THEMIS: variants seen among roughly 807,000 people sequenced by gnomAD.
THEMIS encodes the protein thymocyte selection associated, also known as protein THEMIS.
THEMIS carries 37 observed loss-of-function variants against 52.6 expected under a neutral mutation model. The observed-to-expected ratio is 0.70, with a 90% CI of 0.54 to 0.93. The LOEUF (loss-of-function observed/expected upper bound fraction) is 0.93. Among genes scored for constraint, THEMIS ranks in the 40% least tolerant of loss-of-function variants. The pLI is 0.00. For missense variants in THEMIS, 808 were observed against 763.1 expected (o/e 1.06, Z -0.69); for synonymous variants, 292 against 272.7 (o/e 1.07, Z -0.70).
intron 1 of THEMIS, among the ~76,000 whole-genome samples, chr6:127,886,758 A>T (rs150873264): frequency 4.7e-4 from 71 of 152,280 alleles, no homozygotes; most frequent in African/African-American, 1.5e-3. Flanking sequence ...ATATGTCTCC[A>T]CTGGGAGAGG....
chr6:127,772,575 T>C (rs1406406214), intron 4 of THEMIS, among the ~76,000 whole-genome samples: 2 of 152,120 alleles, frequency 1.3e-5, no homozygotes, highest in Non-Finnish European at 2.9e-5. Context: ...GGTCTTGGTG[T>C]TATCCTCTAG....
intron 1 of THEMIS, among the ~76,000 whole-genome samples, chr6:127,896,228 C>CT (rs1039777965): frequency 4.0e-5 from 6 of 150,948 alleles, no homozygotes; most frequent in Admixed American, 1.3e-4. Flanking sequence ...ATACAGAGAT[C>CT]TTTTTTTTAT....
intron 4 of THEMIS, among the ~76,000 whole-genome samples, chr6:127,753,839 T>A (rs924158766): frequency 6.6e-5 from 10 of 151,984 alleles, no homozygotes; most frequent in Non-Finnish European, 1.2e-4. Flanking sequence ...ATAGTGCCTA[T>A]AGCTAACAAC....
At chr6:127,744,523 G>A (rs1775317957) in intron 4 of THEMIS, among the ~76,000 whole-genome samples, 1 of 152,004 alleles carries the variant, frequency 6.6e-6, no homozygotes, top group Non-Finnish European at 1.5e-5. Flanking sequence ...CTTATCATTT[G>A]TGACAACATG....
downstream of THEMIS, among the ~76,000 whole-genome samples, chr6:127,704,990 C>A (rs1488694335): frequency 6.6e-6 from 1 of 152,170 alleles, no homozygotes; most frequent in Non-Finnish European, 1.5e-5. Context: ...AAGTGAAATC[C>A]TCCCAGTGGA....
chr6:127,855,771 A>G (rs907366543), intron 1 of THEMIS, among the ~76,000 whole-genome samples: 1 of 151,982 alleles, frequency 6.6e-6, no homozygotes, highest in Admixed American at 6.6e-5. Flanking sequence ...AGACCAACCC[A>G]GATAAACTGA....
At position 127,751,270 on chromosome 6, in the gene THEMIS, C is replaced by T. The variant is rs549468210; in HGVS notation, c.1759-31447G>A. Among the ~76,000 whole-genome samples, 9 of 151,720 alleles carry T rather than the reference C, an allele frequency of 5.9e-5. No homozygotes were observed. The East Asian group carries it at 1.5e-3, about 26-fold the overall frequency. Reference sequence around the variant, plus strand: ...AGAGTTTTTCTTTGTGATCAAACTTCGTTGTTATCAGCTTAAAATAGACTG... The same window carrying T: ...AGAGTTTTTCTTTGTGATCAAACTTTGTTGTTATCAGCTTAAAATAGACTG... On this transcript the variant is annotated intron_variant, in intron 4 of 5. Coordinates refer to ENST00000368248, the MANE Select transcript of THEMIS (RefSeq NM_001010923.3).
At chr6:127,889,014 C>CA (rs755411025) in intron 1 of THEMIS, among the ~76,000 whole-genome samples, 1 of 151,988 alleles carries the variant, frequency 6.6e-6, no homozygotes, top group Non-Finnish European at 1.5e-5. Context: ...ATAACAACTT[C>CA]AAAATCTCAG....
intron 5 of THEMIS, 51 bp downstream of exon 5, chr6:127,719,637 T>C (rs763386675): frequency 2.7e-6 from 4 of 1,493,894 alleles, no homozygotes; most frequent in Non-Finnish European, 1.8e-6. Context: ...ACCTTTGTCA[T>C]GTGGACAGTT....
the THEMIS span, among the ~76,000 whole-genome samples, chr6:127,699,857 T>G: frequency 7.9e-5 from 12 of 151,854 alleles, no homozygotes; most frequent in Admixed American, 4.6e-4. Context: ...TCTAAAAATT[T>G]TAGAAGAAAA....
At chr6:127,910,697 A>G (rs1034666295) in intron 1 of THEMIS, among the ~76,000 whole-genome samples, 1 of 152,220 alleles carries the variant, frequency 6.6e-6, no homozygotes, top group Non-Finnish European at 1.5e-5. Context: ...GATTTCCTGT[A>G]TACCCATACA....
At chr6:127,825,555 A>T (rs866526397) in intron 3 of THEMIS, among the ~76,000 whole-genome samples, 3 of 152,170 alleles carry the variant, frequency 2.0e-5, no homozygotes, top group African/African-American at 7.2e-5. Flanking sequence ...CCTGCATAAA[A>T]ATTGGAAGAA....
intron 4 of THEMIS, among the ~76,000 whole-genome samples, chr6:127,725,421 T>C (rs1328264556): frequency 6.6e-6 from 1 of 151,766 alleles, no homozygotes; most frequent in African/African-American, 2.4e-5. Flanking sequence ...GTATGTAATC[T>C]GTCTCCTACT....
intron 2 of THEMIS, among the ~76,000 whole-genome samples, chr6:127,839,376 T>A (rs1348459306): frequency 6.6e-6 from 1 of 152,182 alleles, no homozygotes; most frequent in East Asian, 1.9e-4. Flanking sequence ...TATTCCTTTA[T>A]GTACATACAG....
chr6:127,830,401 A>C (rs1778661111), intron 2 of THEMIS, among the ~76,000 whole-genome samples: 1 of 152,158 alleles, frequency 6.6e-6, no homozygotes, highest in Non-Finnish European at 1.5e-5. Context: ...AGTCACATTC[A>C]TGATTAAAAG....
rs190486987 is a variant in THEMIS, at chr6:127,851,819, C to T, written c.250+3211G>A. 4.0e-5 allele frequency among the ~76,000 whole-genome samples: 6 copies of T among 151,762 alleles called. No individual in the cohort carries two copies. The East Asian group carries it at 1.2e-3, about 30-fold the overall frequency. On this transcript the variant is annotated intron_variant, in intron 2 of 5. Transcript: ENST00000368248. The stretch of plus-strand genomic sequence containing the variant: ...ACTAAACATACTCTTACTATACAGT[C>T]CAATAATCACACTCCTTGGTATTTA...
intron 4 of THEMIS, among the ~76,000 whole-genome samples, chr6:127,756,574 A>G (rs1228464098): frequency 6.6e-6 from 1 of 152,134 alleles, no homozygotes; most frequent in East Asian, 1.9e-4. Flanking sequence ...ATTATTTTTC[A>G]CTAATTATTA....
intron 2 of THEMIS, among the ~76,000 whole-genome samples, chr6:127,848,475 T>C (rs898156586): frequency 2.0e-5 from 3 of 151,946 alleles, no homozygotes; most frequent in African/African-American, 4.8e-5. Context: ...GTATTTCTAG[T>C]TCTAGATCCC....
chr6:127,847,229 A>T (rs1287945916), intron 2 of THEMIS, among the ~76,000 whole-genome samples: 1 of 152,040 alleles, frequency 6.6e-6, no homozygotes, highest in Non-Finnish European at 1.5e-5. Context: ...GGAATAAGAC[A>T]AGGATGCCAA....
Sources: allele counts gnomAD v4.1 joint callset (sites outside exome capture counted in the v4.1 genomes callset), GRCh38; gene constraint gnomAD v4.1.1; transcripts MANE v1.5; gene names NCBI Gene and HGNC (gene_info 2026-07-23, HGNC 2026-07-21).